Variants in ZNHIT6 observed in about 807,000 individuals in gnomAD.
ZNHIT6 encodes the protein box C/D snoRNA protein 1.
In ZNHIT6, 45 loss-of-function variants were observed where a neutral mutation model predicts 57.2. That is an observed-to-expected ratio of 0.79 (90% CI 0.62 to 1.01). The LOEUF (loss-of-function observed/expected upper bound fraction) is 1.01. ZNHIT6 is among the 50% of genes least tolerant of loss of function. The pLI is 0.00. For missense variants in ZNHIT6, 528 were observed against 567.3 expected (o/e 0.93, Z 0.70); for synonymous variants, 188 against 190.0 (o/e 0.99, Z 0.09).
chr1:85,707,522 T>C, intron 1 of ZNHIT6, 107 bp downstream of exon 1: 1 of 1,300,680 alleles, frequency 7.7e-7, no homozygotes, highest in Non-Finnish European at 1.0e-6. Context: ...CCCAAACTTG[T>C]GCTCATTTTT....
chr1:85,684,961 A>G (rs547136787), intron 5 of ZNHIT6, among the ~76,000 whole-genome samples: 114 of 152,306 alleles, frequency 7.5e-4, no homozygotes, highest in Non-Finnish European at 1.1e-3. Context: ...AAATTCATTA[A>G]TAACCAAAGA....
intron 5 of ZNHIT6, among the ~76,000 whole-genome samples, chr1:85,694,692 C>A (rs888863544): frequency 4.6e-5 from 7 of 152,308 alleles, no homozygotes; most frequent in South Asian, 4.1e-4. Flanking sequence ...AATCTCCTGA[C>A]CTCGTGATCC....
intron 4 of ZNHIT6, among the ~76,000 whole-genome samples, chr1:85,703,764 G>A (rs947871753): frequency 3.9e-5 from 6 of 151,958 alleles, no homozygotes; most frequent in Admixed American, 3.9e-4. Context: ...TAACTATAAA[G>A]GAAACAAATG....
chr1:85,680,259 G>A (rs769513219), intron 6 of ZNHIT6, among the ~76,000 whole-genome samples: 5 of 152,192 alleles, frequency 3.3e-5, no homozygotes, highest in Admixed American at 6.5e-5. Context: ...ATATGAAACA[G>A]TAACACAAAA....
At chr1:85,686,559 C>T (rs1394341190) in intron 5 of ZNHIT6, among the ~76,000 whole-genome samples, 1 of 151,914 alleles carries the variant, frequency 6.6e-6, no homozygotes, top group Non-Finnish European at 1.5e-5. Context: ...CACCAATTCT[C>T]ATCCCACTCC....
rs551701513 is a variant in ZNHIT6 at position 85,653,088 on chromosome 1, G to C, written c.*970C>G. 1.3e-5 allele frequency: 2 copies of C among 152,224 alleles called. No individual in the cohort carries two copies. The highest frequency in any genetic ancestry group is 1.9e-4 in the East Asian group (1 of 5,166). 9.4% of individuals were successfully genotyped at this position (152,224 alleles called of 1,614,324 possible). ...CAACACCCTTCTGCAGTAATGATGA[G>C]AGTGGGCTAGGAATGTGATGAAAGG... On this transcript the variant is annotated 3_prime_UTR_variant, in exon 10 of 10. Coordinates refer to ENST00000370574, the MANE Select transcript of ZNHIT6 (RefSeq NM_017953.4).
chr1:85,664,323 G>C (rs1355916138), intron 8 of ZNHIT6, among the ~76,000 whole-genome samples: 1 of 152,046 alleles, frequency 6.6e-6, no homozygotes, highest in African/African-American at 2.4e-5. Flanking sequence ...TCTTTCCTCA[G>C]CTTGGTCTAG....
chr1:85,702,299 TTCC>T, intron 4 of ZNHIT6, 39 bp from the exon 5 acceptor site: 5 of 1,241,592 alleles, frequency 4.0e-6, no homozygotes, highest in Non-Finnish European at 5.8e-6. Context: ...AATTTTTAAA[TTCC>T]TTAAATTTAA....
rs1024684836 is a variant in ZNHIT6 at position 85,662,165 on chromosome 1, A to C, written c.1248-4194T>G. On this transcript the variant is annotated intron_variant, in intron 8 of 9. Transcript: ENST00000370574. ...CAAATTAGTGTGCTTTAAAAAAAAAAAAAAAACCTCCTCATAACCACAAAA... is the reference window on the plus strand; with the variant it reads ...CAAATTAGTGTGCTTTAAAAAAAAACAAAAAACCTCCTCATAACCACAAAA... Among the ~76,000 whole-genome samples the C allele has an allele frequency of 1.3e-3, 203 of 151,356 alleles. 2 individuals are homozygous for C. The highest frequency in any genetic ancestry group is 4.8e-3 in the African/African-American group (198 of 41,386).
rs777933911 is a variant in ZNHIT6 at position 85,706,084 on chromosome 1, A to C, written c.909T>G (p.Asn303Lys). Residue 303 changes from asparagine (N) to lysine (K), a missense_variant, in exon 4 of 10, where the codon AAT becomes AAG. Physicochemically the swap from Asn to Lys is moderately conservative, Grantham distance 94. Transcript: ENST00000370574. ...AATTAGGAAAAAATCTTACATATTT[A>C]TTGCTTATTGGTCTCTTCAAAAAAG... ...RDAFLKRPISNKYMYFMKNRA... is the reference protein window; with the variant it reads ...RDAFLKRPISKKYMYFMKNRA... The C allele has an allele frequency of 6.2e-7, 1 of 1,608,850 alleles. No individual in the cohort carries two copies. Among genetic ancestry groups the C allele is most frequent in the South Asian group, 1.1e-5 (1 of 89,834 alleles).
At chr1:85,674,185 T>C (rs929385185) in intron 8 of ZNHIT6, among the ~76,000 whole-genome samples, 1 of 152,232 alleles carries the variant, frequency 6.6e-6, no homozygotes, top group African/African-American at 2.4e-5. Flanking sequence ...AGTATTTTCA[T>C]ATATTACTTA....
intron 8 of ZNHIT6, among the ~76,000 whole-genome samples, chr1:85,676,649 TGA>T (rs577262406): frequency 1.2e-4 from 18 of 151,822 alleles, no homozygotes; most frequent in African/African-American, 3.6e-4. Flanking sequence ...CTGAGGAGAG[TGA>T]GAGAGATGGG....
At chr1:85,658,420 C>T (rs1327632135) in intron 8 of ZNHIT6, among the ~76,000 whole-genome samples, 2 of 151,672 alleles carry the variant, frequency 1.3e-5, no homozygotes, top group Admixed American at 6.6e-5. Flanking sequence ...TTAGTAGAGA[C>T]GGGGTTTCAC....
chr1:85,650,393 A>G lies in ZNHIT6; in HGVS notation c.*3665T>C, dbSNP rs775239227. The G allele has an allele frequency of 6.6e-6, 1 of 152,200 alleles. No individual in the cohort carries two copies. The highest frequency in any genetic ancestry group is 2.1e-4 in the South Asian group (1 of 4,832). 9.4% of individuals were successfully genotyped at this position (152,200 alleles called of 1,614,324 possible). A position where few individuals can be genotyped will look rare whatever the true frequency, so the allele number is the denominator to read the frequency against. ...GCCAAGTGTGTAGGATGGCAAGATG[A>G]CTGCTTTTGACGTTTGGACCCAGGA... On this transcript the variant is annotated 3_prime_UTR_variant, in exon 10 of 10. Coordinates refer to ENST00000370574, the MANE Select transcript of ZNHIT6 (RefSeq NM_017953.4).
chr1:85,708,197 T>C lies in ZNHIT6; in HGVS notation c.88A>G (p.Arg30Gly). 2 of 1,614,124 alleles carry C rather than the reference T, an allele frequency of 1.2e-6. No individual in the cohort carries two copies. Among genetic ancestry groups the C allele is most frequent in the Non-Finnish European group, 1.7e-6 (2 of 1,180,030 alleles). The change falls in exon 1 of 10, where the codon AGG (arginine) becomes GGG (glycine). Residue 30 changes from arginine to glycine, a missense_variant. Coordinates refer to ENST00000370574, the MANE Select transcript of ZNHIT6 (RefSeq NM_017953.4). The part of the protein sequence containing the change: ...EGVRLSPEPG[R>G]EGVRDLAGAE... ...CCTGCTAAGTCCCTTACTCCCTCCC[T>C]GCCAGGCTCTGGACTTAGCCGCACC...
At chr1:85,677,727 A>G (rs1335245845) in intron 7 of ZNHIT6, among the ~76,000 whole-genome samples, 1 of 152,202 alleles carries the variant, frequency 6.6e-6, no homozygotes, top group Non-Finnish European at 1.5e-5. Flanking sequence ...CTTTTATCAA[A>G]AGCAAAAGAA....
intron 8 of ZNHIT6, among the ~76,000 whole-genome samples, chr1:85,664,669 G>A (rs1356993430): frequency 2.6e-5 from 4 of 152,038 alleles, no homozygotes; most frequent in South Asian, 2.1e-4. Flanking sequence ...TAACTACTGG[G>A]TACTAGGTTT....
chr1:85,687,115 C>G (rs1343879560), intron 5 of ZNHIT6, among the ~76,000 whole-genome samples: 2 of 149,582 alleles, frequency 1.3e-5, no homozygotes, highest in Non-Finnish European at 3.0e-5. Context: ...ACTAAAAATA[C>G]AAAAAACAAA....
intron 8 of ZNHIT6, among the ~76,000 whole-genome samples, chr1:85,669,811 C>A (rs906757079): frequency 1.3e-5 from 2 of 152,120 alleles, no homozygotes; most frequent in Non-Finnish European, 2.9e-5. Flanking sequence ...CTATCTTTTG[C>A]GGTATTTATC....
Sources: gnomAD v4.1 joint callset for allele counts (sites outside exome capture counted in the v4.1 genomes callset) on GRCh38, gnomAD v4.1.1 for gene constraint, MANE v1.5 for transcripts, NCBI Gene and HGNC (gene_info 2026-07-23, HGNC 2026-07-21) for gene names.